Variants in CCNY observed in about 807,000 individuals in gnomAD.
The protein encoded by CCNY is cyclin Y, also known as cyclin-Y.
CCNY carries 19 observed loss-of-function variants against 42.8 expected under a neutral mutation model. That is an observed-to-expected ratio of 0.44 (90% confidence interval 0.31 to 0.65). The LOEUF (loss-of-function observed/expected upper bound fraction) is 0.65, where lower values mean the gene tolerates loss of function less well. Among genes scored for constraint, CCNY ranks in the 30% least tolerant of loss-of-function variants. The pLI is 0.07. For synonymous variants in CCNY, 165 were observed against 162.7 expected, an observed-to-expected ratio of 1.01 and a Z score of -0.11; for missense variants, 370 against 437.3, an observed-to-expected ratio of 0.85 and a Z score of 1.37.
chr10:35,302,485 A>G (rs978653258), intron 3 of CCNY, among the ~76,000 whole-genome samples: 1 of 146,740 alleles, frequency 6.8e-6, no homozygotes, highest in African/African-American at 2.5e-5. Context: ...TAATTTTTGT[A>G]TTTTTGGTAG....
At chr10:35,359,136 T>G (rs182809081) in intron 1 of CCNY, among the ~76,000 whole-genome samples, 1 of 152,242 alleles carries the variant, frequency 6.6e-6, no homozygotes, top group Admixed American at 6.5e-5. Context: ...TCTTTGGACT[T>G]GTAGTGTGAC....
At chr10:35,281,606 T>C (rs1589015170) in intron 3 of CCNY, among the ~76,000 whole-genome samples, 2 of 152,184 alleles carry the variant, frequency 1.3e-5, no homozygotes, top group African/African-American at 4.8e-5. Flanking sequence ...TCTGGCCTTG[T>C]ACAGGAATTT....
intron 5 of CCNY, among the ~76,000 whole-genome samples, chr10:35,528,142 G>C (rs752882519): frequency 6.6e-6 from 1 of 152,098 alleles, no homozygotes; most frequent in South Asian, 2.1e-4. Flanking sequence ...GCCAGGTTCT[G>C]TCTCTCCTGT....
chr10:35,518,947 A>G (rs1840486212), intron 4 of CCNY, among the ~76,000 whole-genome samples: 1 of 145,710 alleles, frequency 6.9e-6, no homozygotes, highest in Non-Finnish European at 1.5e-5. Context: ...TGGCTGAGGT[A>G]TACTGTGGGT....
chr10:35,474,202 G>A (rs1213742847), intron 1 of CCNY, among the ~76,000 whole-genome samples: 1 of 152,168 alleles, frequency 6.6e-6, no homozygotes, highest in Non-Finnish European at 1.5e-5. Context: ...ACTGCAAGGC[G>A]GCAGCGAGGC....
intron 1 of CCNY, among the ~76,000 whole-genome samples, chr10:35,403,945 G>A (rs1837701058): frequency 6.6e-6 from 1 of 152,232 alleles, no homozygotes; most frequent in Non-Finnish European, 1.5e-5. Flanking sequence ...TGGAGTGAAT[G>A]TCAGGTGGAT....
At chr10:35,272,357 C>G (rs1835180703) in intron 3 of CCNY, among the ~76,000 whole-genome samples, 1 of 151,226 alleles carries the variant, frequency 6.6e-6, no homozygotes. Context: ...AAACCTGTAT[C>G]ATGGAGGTTT....
At chr10:35,464,406 G>A (rs899481786) in intron 1 of CCNY, among the ~76,000 whole-genome samples, 5 of 151,908 alleles carry the variant, frequency 3.3e-5, no homozygotes, top group Non-Finnish European at 7.4e-5. Flanking sequence ...TTTCACCAGC[G>A]TGCGGTCATA....
intron 1 of CCNY, among the ~76,000 whole-genome samples, chr10:35,437,209 A>G (rs913874257): frequency 2.0e-5 from 3 of 152,178 alleles, no homozygotes; most frequent in African/African-American, 7.2e-5. Flanking sequence ...ACAGAGCCAA[A>G]TCATATCAGT....
intron 8 of CCNY, among the ~76,000 whole-genome samples, chr10:35,554,131 C>G (rs893604919): frequency 2.6e-5 from 4 of 152,130 alleles, no homozygotes; most frequent in Admixed American, 1.3e-4. Context: ...TCCTCAGATG[C>G]AGGACCTTCC....
intron 3 of CCNY, among the ~76,000 whole-genome samples, chr10:35,265,435 T>G (rs2095724196): frequency 1.3e-5 from 2 of 152,148 alleles, no homozygotes; most frequent in Admixed American, 1.3e-4. Context: ...CTACAGTTGT[T>G]TTAGTTGTGA....
At chr10:35,468,069 C>T (rs1252010677) in intron 1 of CCNY, among the ~76,000 whole-genome samples, 5 of 152,188 alleles carry the variant, frequency 3.3e-5, no homozygotes, top group African/African-American at 7.2e-5. Context: ...GCTTATAAGC[C>T]GTAGAAATGT....
chr10:35,468,085 T>G (rs747152454), intron 1 of CCNY, among the ~76,000 whole-genome samples: 43 of 152,244 alleles, frequency 2.8e-4, no homozygotes, highest in Non-Finnish European at 4.6e-4. Flanking sequence ...AATGTATTCC[T>G]TACAGTTCAG....
At chr10:35,448,968 G>A (rs566711284) in intron 1 of CCNY, among the ~76,000 whole-genome samples, 3 of 152,038 alleles carry the variant, frequency 2.0e-5, no homozygotes, top group Non-Finnish European at 4.4e-5. Context: ...TGGCTGCATT[G>A]GGTGGGAATA....
In CCNY at chr10:35,364,880, C is replaced by G. The variant is rs200708521; in HGVS notation, c.154+27673C>G. ...GAAATGGTTCTAAGTGAGAATTGAGCCCTTCTCTAAGTGTGGAAATTTTCT... is the reference window on the plus strand; with the variant it reads ...GAAATGGTTCTAAGTGAGAATTGAGGCCTTCTCTAAGTGTGGAAATTTTCT... On this transcript the variant is annotated intron_variant, in intron 1 of 9. Coordinates refer to ENST00000374704, the MANE Select transcript of CCNY (RefSeq NM_145012.6). Among the ~76,000 whole-genome samples the G allele has an allele frequency of 2.0e-5, 3 of 152,274 alleles. No homozygotes were observed. The East Asian group carries it at 5.8e-4, about 29-fold the overall frequency.
At chr10:35,367,021 T>C (rs1411236849) in intron 1 of CCNY, among the ~76,000 whole-genome samples, 1 of 152,236 alleles carries the variant, frequency 6.6e-6, no homozygotes, top group Non-Finnish European at 1.5e-5. Flanking sequence ...TGTCTGTTGT[T>C]CTCATATAAA....
At chr10:35,456,550 A>G (rs1407901123) in intron 1 of CCNY, among the ~76,000 whole-genome samples, 2 of 152,186 alleles carry the variant, frequency 1.3e-5, no homozygotes, top group African/African-American at 4.8e-5. Context: ...GTTGCCTATT[A>G]TCCATCCTTC....
At chr10:35,489,048 G>A (rs1198537265) in intron 2 of CCNY, among the ~76,000 whole-genome samples, 2 of 152,170 alleles carry the variant, frequency 1.3e-5, no homozygotes, top group South Asian at 2.1e-4. Flanking sequence ...GGGAGGCTGA[G>A]GCAAGCGGAT....
intron 3 of CCNY, among the ~76,000 whole-genome samples, chr10:35,309,936 G>A (rs1168413788): frequency 6.6e-6 from 1 of 152,088 alleles, no homozygotes; most frequent in African/African-American, 2.4e-5. Context: ...GAGTAGCTGG[G>A]ACTGCAGACG....
Sources: allele counts gnomAD v4.1 joint callset (sites outside exome capture counted in the v4.1 genomes callset), GRCh38; gene constraint gnomAD v4.1.1; transcripts MANE v1.5; gene names NCBI Gene and HGNC (gene_info 2026-07-23, HGNC 2026-07-21).